The following FUT8 variants were observed in gnomAD, a reference collection of about 807,000 sequenced individuals.
FUT8 encodes the protein fucosyltransferase 8.
FUT8 carries 29 observed loss-of-function variants against 71.3 expected under a neutral mutation model. The observed-to-expected ratio is 0.41, with a 90% confidence interval of 0.30 to 0.55. The LOEUF is 0.55. FUT8 is among the 20% of genes least tolerant of loss of function. FUT8 has a pLI of 0.34. For synonymous variants in FUT8, 254 were observed against 239.3 expected, an observed-to-expected ratio of 1.06 and a Z score of -0.57; for missense variants, 544 against 702.1, an observed-to-expected ratio of 0.77 and a Z score of 2.55.
chr14:65,741,769 C>T (rs529466000), intron 10 of FUT8, among the ~76,000 whole-genome samples: 82 of 152,120 alleles, frequency 5.4e-4, no homozygotes, highest in African/African-American at 1.9e-3. Context: ...GCTTGGACCA[C>T]TGTGTATGTA....
chr14:65,708,111 C>G (rs1321327335), intron 7 of FUT8, among the ~76,000 whole-genome samples: 8 of 152,170 alleles, frequency 5.3e-5, no homozygotes, highest in Non-Finnish European at 1.2e-4. Flanking sequence ...AATTGTAATT[C>G]CCATAATCCC....
the FUT8 span, among the ~76,000 whole-genome samples, chr14:65,380,839 T>C: frequency 1.3e-5 from 2 of 152,246 alleles, no homozygotes; most frequent in Admixed American, 6.5e-5. Flanking sequence ...ACAGTCAATG[T>C]CACAAGTTTC....
chr14:65,724,120 C>T, intron 8 of FUT8, 27 bp from the exon 9 acceptor site: 1 of 1,533,662 alleles, frequency 6.5e-7, no homozygotes, highest in Non-Finnish European at 8.8e-7. Context: ...CAGTACATTA[C>T]CAGTAGAATC....
chr14:65,411,677 A>G (rs2411822), upstream of FUT8: 86,173 of 227,434 alleles, frequency 0.38, 19,408 homozygotes, highest in Non-Finnish European at 0.49. Context: ...TAGAGAAATG[A>G]TTCTTGTCTT....
At chr14:65,635,181 T>C (rs1011080904) in intron 6 of FUT8, among the ~76,000 whole-genome samples, 2 of 152,200 alleles carry the variant, frequency 1.3e-5, no homozygotes, top group Non-Finnish European at 2.9e-5. Context: ...CTGATTTGTG[T>C]ATGTTAATGT....
At position 65,531,953 on chromosome 14, in the gene FUT8, AT is replaced by A. The variant is rs560575152; in HGVS notation, c.-227-29375del. 8.6e-5 allele frequency among the ~76,000 whole-genome samples: 13 copies of A among 151,174 alleles called. No homozygotes were observed. In the East Asian group the frequency reaches 1.2e-3, roughly 14 times the overall value. ...ATGTTACTGCAAAGTACATGATCTC[AT>A]TTTTTTTTATGACTGCATAGTGTTC... On this transcript the variant is annotated intron_variant, in intron 2 of 10. Transcript: ENST00000673929.
chr14:65,680,179 T>C (rs1892969579), intron 7 of FUT8, among the ~76,000 whole-genome samples: 1 of 152,202 alleles, frequency 6.6e-6, no homozygotes, highest in Non-Finnish European at 1.5e-5. Context: ...TAGTGTATTA[T>C]AGTTGAAAGG....
chr14:65,683,261 C>A (rs1893123989), intron 7 of FUT8, among the ~76,000 whole-genome samples: 1 of 152,128 alleles, frequency 6.6e-6, no homozygotes, highest in Non-Finnish European at 1.5e-5. Flanking sequence ...GATCCGCCCG[C>A]CTGGGCCTCC....
intron 3 of FUT8, among the ~76,000 whole-genome samples, chr14:65,599,511 AG>A (rs1796907313): frequency 6.6e-6 from 1 of 152,254 alleles, no homozygotes; most frequent in Non-Finnish European, 1.5e-5. Context: ...TGGCTGGTAC[AG>A]GATGATAGGC....
the FUT8 span, among the ~76,000 whole-genome samples, chr14:65,373,700 T>C: frequency 6.6e-6 from 1 of 152,138 alleles, no homozygotes; most frequent in South Asian, 2.1e-4. Context: ...CCATTTCAAT[T>C]GTATGGGATC....
intron 3 of FUT8, among the ~76,000 whole-genome samples, chr14:65,576,784 A>G (rs1361867420): frequency 7.4e-6 from 1 of 134,376 alleles, no homozygotes; most frequent in Non-Finnish European, 1.5e-5. Context: ...TAATGGCGCG[A>G]TCTCAGCTCA....
At chr14:65,717,561 T>G (rs1478102543) in intron 7 of FUT8, among the ~76,000 whole-genome samples, 9 of 69,790 alleles carry the variant, frequency 1.3e-4, no homozygotes, top group South Asian at 5.9e-4. Flanking sequence ...TCCCAGACGA[T>G]GGGCGGCCGG....
the FUT8 span, among the ~76,000 whole-genome samples, chr14:65,395,190 A>G: frequency 7.2e-5 from 11 of 152,164 alleles, no homozygotes; most frequent in African/African-American, 2.7e-4. Context: ...AGCTGCTTTC[A>G]TAGGCTGGTA....
intron 7 of FUT8, among the ~76,000 whole-genome samples, chr14:65,700,516 G>A (rs1235310397): frequency 2.1e-5 from 3 of 144,206 alleles, no homozygotes; most frequent in East Asian, 2.2e-4. Context: ...TCAGCCTCCC[G>A]AGTAGCTGGG....
chr14:65,733,574 T>C (rs1287772772), intron 10 of FUT8, among the ~76,000 whole-genome samples, 193 bp downstream of exon 10: 2 of 152,228 alleles, frequency 1.3e-5, no homozygotes, highest in African/African-American at 4.8e-5. Flanking sequence ...CATGCACTAA[T>C]ATTTAGTTGT....
At chr14:65,702,460 C>G (rs1894351113) in intron 7 of FUT8, among the ~76,000 whole-genome samples, 1 of 152,024 alleles carries the variant, frequency 6.6e-6, no homozygotes, top group Non-Finnish European at 1.5e-5. Context: ...TTCTCAATAA[C>G]TGTTAGCTCT....
intron 6 of FUT8, among the ~76,000 whole-genome samples, chr14:65,664,743 T>C (rs998828101): frequency 2.6e-5 from 4 of 152,136 alleles, no homozygotes; most frequent in Admixed American, 6.6e-5. Flanking sequence ...TTAGAGTTGA[T>C]GTTTGGTGAC....
chr14:65,625,871 G>A (rs983946970), intron 5 of FUT8, among the ~76,000 whole-genome samples: 4 of 152,164 alleles, frequency 2.6e-5, no homozygotes, highest in African/African-American at 9.6e-5. Flanking sequence ...GGCTTTCTGT[G>A]ATAGTAAATA....
intron 2 of FUT8, among the ~76,000 whole-genome samples, chr14:65,517,950 A>G (rs1322291216): frequency 7.1e-6 from 1 of 141,706 alleles, no homozygotes; most frequent in Non-Finnish European, 1.5e-5. Flanking sequence ...GTTTCACAGC[A>G]GAGCTGCTTT....
Sources: gnomAD v4.1 joint callset for allele counts (sites outside exome capture counted in the v4.1 genomes callset) on GRCh38, gnomAD v4.1.1 for gene constraint, MANE v1.5 for transcripts, NCBI Gene and HGNC (gene_info 2026-07-23, HGNC 2026-07-21) for gene names.